LAMTOR1: variants seen among roughly 807,000 people sequenced by gnomAD.
The protein encoded by LAMTOR1 is late endosomal/lysosomal adaptor, MAPK and MTOR activator 1.
LAMTOR1 carries 8 observed loss-of-function variants against 20.5 expected under a neutral mutation model. The ratio of observed to expected loss-of-function variants is 0.39; its 90% CI spans 0.23 to 0.70. LAMTOR1 has a LOEUF of 0.70. LAMTOR1 is among the 30% of genes least tolerant of loss of function. The probability of loss-of-function intolerance (pLI) is 0.43; values close to 1 mark genes in which losing one functional copy is unlikely to be tolerated. For missense variants in LAMTOR1, 135 were observed against 206.2 expected (o/e 0.65, Z 2.11); for synonymous variants, 77 against 80.9 (o/e 0.95, Z 0.26).
Position 72,099,262 on chromosome 11 carries a change from A to T in LAMTOR1, c.43-6T>A. The T allele has an allele frequency of 6.4e-7, 1 of 1,553,334 alleles. No homozygotes were observed. The highest frequency in any genetic ancestry group is 2.3e-5 in the East Asian group (1 of 44,032). ...AGCTTCCGCTCCTCTCGGTCCTAGA[A>T]GTGGTCATGGGAGAGAAGTCAGCCC... is the stretch of plus-strand genomic sequence containing the variant. On this transcript the variant is annotated splice_polypyrimidine_tract_variant and splice_region_variant and intron_variant, in intron 1 of 4. Coordinates refer to ENST00000278671, the MANE Select transcript of LAMTOR1 (RefSeq NM_017907.3).
intron 1 of LAMTOR1, among the ~76,000 whole-genome samples, chr11:72,099,485 A>G (rs1460794712): frequency 1.3e-5 from 2 of 152,218 alleles, no homozygotes; most frequent in Non-Finnish European, 2.9e-5. Context: ...AGGCAGTCCT[A>G]GAGGCCCTGA....
intron 1 of LAMTOR1, chr11:72,100,511 G>C (rs76397586): frequency 0.017 from 2,536 of 152,362 alleles, 38 homozygotes; most frequent in Middle Eastern, 0.037. Context: ...CTTGCTTGCT[G>C]TATCAGCAGT....
intron 1 of LAMTOR1, among the ~76,000 whole-genome samples, chr11:72,101,627 G>A (rs1475556377): frequency 6.6e-6 from 1 of 152,210 alleles, no homozygotes; most frequent in Non-Finnish European, 1.5e-5. Flanking sequence ...TAAAGAGACA[G>A]AGATGAGAGT....
chr11:72,097,956 G>T, intron 4 of LAMTOR1, 42 bp from the exon 5 acceptor site: 3 of 1,540,876 alleles, frequency 1.9e-6, no homozygotes, highest in Non-Finnish European at 2.6e-6. Flanking sequence ...ACAGAGACAG[G>T]TGAGGAGGGC....
rs756676114 is a variant in LAMTOR1, at chr11:72,098,221, G to A, written c.393+68C>T. On this transcript the variant is annotated intron_variant, in intron 4 of 4. Coordinates refer to ENST00000278671, the MANE Select transcript of LAMTOR1 (RefSeq NM_017907.3). The stretch of plus-strand genomic sequence containing the variant: ...TCCCTACCTCCTCTGAGGCAGAGTG[G>A]GTGAACCCTCTGCCATACCCTGGGC... 3.1e-5 allele frequency: 49 copies of A among 1,587,876 alleles called. 1 individual carries two copies. The highest frequency in any genetic ancestry group is 4.1e-5 in the Non-Finnish European group (48 of 1,162,848).
Position 72,097,717 on chromosome 11 carries a change from G to A in LAMTOR1, c.*105C>T, listed in dbSNP as rs4466868. ...TTCTTCACATTTTTCTCTGTGATTA[G>A]TAGCAGGTTAGGGTACTGTATAAGC... On this transcript the variant is annotated 3_prime_UTR_variant, in exon 5 of 5. Coordinates refer to ENST00000278671, the MANE Select transcript of LAMTOR1 (RefSeq NM_017907.3). 5 of 1,575,502 alleles carry A rather than the reference G, an allele frequency of 3.2e-6. No individual in the cohort carries two copies. The highest frequency in any genetic ancestry group is 1.4e-5 in the African/African-American group (1 of 73,564).
chr11:72,097,975 A>G, intron 4 of LAMTOR1, 61 bp from the exon 5 acceptor site: 1 of 1,521,388 alleles, frequency 6.6e-7, no homozygotes, highest in Non-Finnish European at 8.8e-7. Flanking sequence ...GCAATCAGGA[A>G]AAATGGGGAG....
In LAMTOR1 at chr11:72,097,932, CGGGGA is replaced by C. The variant is rs753349865; in HGVS notation, c.394-23_394-19del. On this transcript the variant is annotated intron_variant, in intron 4 of 4. Coordinates refer to ENST00000278671, the MANE Select transcript of LAMTOR1 (RefSeq NM_017907.3). ...CTGGAGACCTGAGACAGAGAGGGGC[CGGGGA>C]GGAGAGGAACAGAGACAGGTGAGGA... 5.4e-5 allele frequency: 85 copies of C among 1,569,288 alleles called. No individual in the cohort carries two copies. Among genetic ancestry groups the C allele is most frequent in the Non-Finnish European group, 7.1e-5 (82 of 1,153,894 alleles).
At chr11:72,098,014 G>T in intron 4 of LAMTOR1, 100 bp from the exon 5 acceptor site, 1 of 1,384,594 alleles carries the variant, frequency 7.2e-7, no homozygotes, top group Non-Finnish European at 9.8e-7. Context: ...GGAGAAGGAG[G>T]GAATGAAGGG....
intron 1 of LAMTOR1, among the ~76,000 whole-genome samples, chr11:72,101,711 G>A (rs1349321588): frequency 2.0e-5 from 3 of 152,132 alleles, no homozygotes; most frequent in East Asian, 3.8e-4. Flanking sequence ...GCTACATGAG[G>A]CCTCAAATCA....
chr11:72,099,851 G>A lies in LAMTOR1; in HGVS notation c.43-595C>T, dbSNP rs144253500. 5.3e-3 allele frequency among the ~76,000 whole-genome samples: 814 copies of A among 152,340 alleles called. 6 individuals carry two copies. Among genetic ancestry groups the A allele is most frequent in the African/African-American group, 0.016 (679 of 41,578 alleles). The stretch of plus-strand genomic sequence containing the variant: ...CAGCTCTGGGTCACACAGTACAAGT[G>A]TGTTCCCTTCTTGAAGGCAGGTCCC... On this transcript the variant is annotated intron_variant, in intron 1 of 4. Coordinates refer to ENST00000278671, the MANE Select transcript of LAMTOR1 (RefSeq NM_017907.3).
chr11:72,098,725 T>G, intron 3 of LAMTOR1, 56 bp downstream of exon 3: 1 of 1,282,182 alleles, frequency 7.8e-7, no homozygotes, highest in South Asian at 1.4e-5. Context: ...GCTGGAACAG[T>G]GATGGAGGGT....
chr11:72,098,118 G>A lies in LAMTOR1; in HGVS notation c.393+171C>T, dbSNP rs986741285. 13 of 1,026,482 alleles carry A rather than the reference G, an allele frequency of 1.3e-5. No homozygotes were observed. The African/African-American group carries it at 1.8e-4, about 14-fold the overall frequency. 63.6% of individuals were successfully genotyped at this position (1,026,482 alleles called of 1,614,324 possible). The stretch of plus-strand genomic sequence containing the variant: ...AATAAAGGTTGCAGGAAGGAGATAG[G>A]AAAGACATAAAAAGTTAAGAGAACG... On this transcript the variant is annotated intron_variant, in intron 4 of 4. Coordinates refer to ENST00000278671, the MANE Select transcript of LAMTOR1 (RefSeq NM_017907.3).
At chr11:72,098,980 G>A (rs1169328509) in intron 2 of LAMTOR1, 122 bp from the exon 3 acceptor site, 2 of 1,399,072 alleles carry the variant, frequency 1.4e-6, no homozygotes, top group East Asian at 4.7e-5. Flanking sequence ...TACTGGAGCA[G>A]GGCTGGACAT....
Position 72,099,163 on chromosome 11 carries a change from C to T in LAMTOR1, c.136G>A (p.Ala46Thr), listed in dbSNP as rs564426310. The change falls in exon 2 of 5, where the codon GCT becomes ACT. Residue 46 changes from alanine (A) to threonine (T), a missense_variant. Ala to Thr is a moderately conservative substitution (Grantham distance 58). Coordinates refer to ENST00000278671, the MANE Select transcript of LAMTOR1 (RefSeq NM_017907.3). ...AGCAGGGCCTGCTCATCAGTGCGAGCGGAAGGCAGGCTGTGGTAGTTGGGC... is the reference window on the plus strand; with the variant it reads ...AGCAGGGCCTGCTCATCAGTGCGAGTGGAAGGCAGGCTGTGGTAGTTGGGC... ...AEPNYHSLPS[A>T]RTDEQALLSS... 17 of 1,613,766 alleles carry T rather than the reference C, an allele frequency of 1.1e-5. No homozygotes were observed. Among genetic ancestry groups the T allele is most frequent in the African/African-American group, 9.3e-5 (7 of 74,990 alleles).
At chr11:72,099,318 G>A (rs551946410) in intron 1 of LAMTOR1, 62 bp from the exon 2 acceptor site, 87 of 1,494,642 alleles carry the variant, frequency 5.8e-5, no homozygotes, top group Non-Finnish European at 7.6e-5. Context: ...TTTCACGGGT[G>A]CTACCCTTAG....
chr11:72,103,184 T>A lies in LAMTOR1; in HGVS notation c.41A>T (p.Gln14Leu). The part of the protein sequence containing the change: ...CYSSENEDSD[Q>L]DREERKLLLD... ...GAGCCCCGCCTGCCGCGGCCGCACC[T>A]GGTCCGAGTCCTCGTTCTCGCTGCT... The change falls in exon 1 of 5, where the codon CAG becomes CTG. Residue 14 changes from glutamine (Q) to leucine (L), a missense_variant and splice_region_variant. Physicochemically the swap from Gln to Leu is moderately radical, Grantham distance 113. Transcript: ENST00000278671. The A allele has an allele frequency of 6.3e-7, 1 of 1,587,152 alleles. No homozygotes were observed. Among genetic ancestry groups the A allele is most frequent in the Non-Finnish European group, 8.6e-7 (1 of 1,166,478 alleles).
chr11:72,101,386 G>C (rs745877948), intron 1 of LAMTOR1, among the ~76,000 whole-genome samples: 1 of 152,200 alleles, frequency 6.6e-6, no homozygotes, highest in Non-Finnish European at 1.5e-5. Context: ...CCTGGTCTAG[G>C]GGCATGGCTG....
rs1281430807 is a variant in LAMTOR1 at position 72,097,642 on chromosome 11, A to G, written c.*180T>C. ...GCCAGAGCTTCAAAGGCCAGTCCCA[A>G]AAGGTTCTACCCTCACTTGCTCAGG... On this transcript the variant is annotated 3_prime_UTR_variant, in exon 5 of 5. Coordinates refer to ENST00000278671, the MANE Select transcript of LAMTOR1 (RefSeq NM_017907.3). 2.8e-6 allele frequency: 4 copies of G among 1,429,010 alleles called. No individual in the cohort carries two copies. The highest frequency in any genetic ancestry group is 2.9e-5 in the South Asian group (2 of 68,272). The allele number at this position is 1,429,010 out of a possible 1,614,324, so 88.5% of individuals were successfully genotyped here.
Sources: allele counts gnomAD v4.1 joint callset (sites outside exome capture counted in the v4.1 genomes callset), GRCh38; gene constraint gnomAD v4.1.1; transcripts MANE v1.5; gene names NCBI Gene and HGNC (gene_info 2026-07-23, HGNC 2026-07-21).